Variants in CWF19L1 observed in about 807,000 individuals in gnomAD.
The protein encoded by CWF19L1 is CWF19 like cell cycle control factor 1.
CWF19L1 carries 60 observed loss-of-function variants against 69.7 expected under a neutral mutation model. The ratio of observed to expected loss-of-function variants is 0.86; its 90% CI spans 0.70 to 1.07. The LOEUF (loss-of-function observed/expected upper bound fraction) is 1.07. Among genes scored for constraint, CWF19L1 ranks in the 50% least tolerant of loss-of-function variants. The pLI, the probability that CWF19L1 is intolerant of heterozygous loss-of-function variation, is 0.00. For synonymous variants in CWF19L1, 209 were observed against 222.2 expected (o/e 0.94, Z 0.53); for missense variants, 591 against 638.9 (o/e 0.92, Z 0.81).
At chr10:100,252,790 C>T (rs1301775512) in intron 6 of CWF19L1, among the ~76,000 whole-genome samples, 1 of 150,070 alleles carries the variant, frequency 6.7e-6, no homozygotes, top group Non-Finnish European at 1.5e-5. Flanking sequence ...GAGCCGAGAT[C>T]ATGCCACTGC....
At chr10:100,248,245 T>C in intron 7 of CWF19L1, 8 of 995,072 alleles carry the variant, frequency 8.0e-6, no homozygotes, top group South Asian at 1.3e-5. Context: ...TATGAAAGGG[T>C]CCAGCAGAAG....
In CWF19L1 at chr10:100,267,555, A is replaced by C. The variant is rs1448619868; in HGVS notation, c.23+16T>G. On this transcript the variant is annotated intron_variant, in intron 1 of 13. Coordinates refer to ENST00000354105, the MANE Select transcript of CWF19L1 (RefSeq NM_018294.6). ...AAGAGACACAGGGAGAGAGGCTTCC[A>C]TTCACGGTCACTCACAGGCGCAGCG... The C allele has an allele frequency of 6.2e-7, 1 of 1,614,198 alleles. No homozygotes were observed. The highest frequency in any genetic ancestry group is 1.1e-5 in the South Asian group (1 of 91,086).
At chr10:100,243,519 A>G (rs182848112) in intron 10 of CWF19L1, among the ~76,000 whole-genome samples, 179 bp downstream of exon 10, 138 of 152,366 alleles carry the variant, frequency 9.1e-4, no homozygotes, top group African/African-American at 3.2e-3. Context: ...TCTTACTGCA[A>G]TGATAAAAAT....
At chr10:100,243,902 G>A in intron 9 of CWF19L1, 125 bp from the exon 10 acceptor site, 1 of 736,890 alleles carries the variant, frequency 1.4e-6, no homozygotes, top group Non-Finnish European at 2.4e-6. Context: ...CTGCCACAAT[G>A]GGCTGAGCCT....
intron 7 of CWF19L1, among the ~76,000 whole-genome samples, chr10:100,249,501 A>T (rs1399711306): frequency 6.6e-6 from 1 of 152,168 alleles, no homozygotes; most frequent in Non-Finnish European, 1.5e-5. Flanking sequence ...CTGTTTTCCA[A>T]TACAAAGATA....
chr10:100,260,147 G>T, intron 4 of CWF19L1, 71 bp downstream of exon 4: 1 of 967,046 alleles, frequency 1.0e-6, no homozygotes, highest in Non-Finnish European at 1.6e-6. Context: ...CAGCCTGGGT[G>T]ACAGAGCAAG....
chr10:100,241,466 A>G (rs1846637461), intron 10 of CWF19L1, among the ~76,000 whole-genome samples: 1 of 152,236 alleles, frequency 6.6e-6, no homozygotes, highest in Non-Finnish European at 1.5e-5. Flanking sequence ...TGTTAGGATA[A>G]GTTGAAAGGA....
intron 5 of CWF19L1, chr10:100,253,933 A>T (rs113733535): frequency 6.3e-6 from 1 of 157,942 alleles, no homozygotes; most frequent in Non-Finnish European, 1.4e-5. Context: ...GCTAGAGTAC[A>T]GTGGCACAAT....
intron 9 of CWF19L1, among the ~76,000 whole-genome samples, chr10:100,245,224 T>C (rs1846774660): frequency 1.3e-5 from 2 of 152,142 alleles, no homozygotes; most frequent in South Asian, 2.1e-4. Context: ...GGTTTCACTA[T>C]GTTGGCCAGA....
intron 9 of CWF19L1, among the ~76,000 whole-genome samples, chr10:100,244,985 G>T (rs1355634245): frequency 6.6e-6 from 1 of 151,572 alleles, no homozygotes; most frequent in Admixed American, 6.6e-5. Flanking sequence ...AATTCATAAA[G>T]CTCTAGTTTC....
intron 5 of CWF19L1, among the ~76,000 whole-genome samples, chr10:100,255,932 AAAAAAAC>A (rs143104876): frequency 0.037 from 5,680 of 152,008 alleles, 281 homozygotes; most frequent in East Asian, 0.27. Context: ...TCCATCTCAA[AAAAAAAC>A]AAAAAACAAA....
chr10:100,248,666 G>C, intron 7 of CWF19L1: 1 of 883,860 alleles, frequency 1.1e-6, no homozygotes. Flanking sequence ...TTTGATGCTG[G>C]AGAACTAATC....
intron 12 of CWF19L1, 51 bp from the exon 13 acceptor site, chr10:100,235,815 A>G (rs368198101): frequency 1.6e-6 from 2 of 1,278,234 alleles, no homozygotes; most frequent in Admixed American, 1.8e-5. Flanking sequence ...TTAAAAATCT[A>G]TAATCTGAGT....
chr10:100,240,113 T>C (rs1224867012), intron 10 of CWF19L1, among the ~76,000 whole-genome samples: 1 of 152,204 alleles, frequency 6.6e-6, no homozygotes, highest in African/African-American at 2.4e-5. Context: ...ATCTCCTCTC[T>C]CTTTCAAACT....
intron 4 of CWF19L1, 65 bp from the exon 5 acceptor site, chr10:100,256,541 G>A (rs1346288295): frequency 9.6e-6 from 12 of 1,253,542 alleles, no homozygotes; most frequent in Non-Finnish European, 1.3e-5. Flanking sequence ...ATCAATAGGG[G>A]GATGAATCTC....
chr10:100,237,440 C>T (rs540162271), intron 11 of CWF19L1: 30 of 357,050 alleles, frequency 8.4e-5, no homozygotes, highest in Non-Finnish European at 1.3e-4. Context: ...TCCAGCAAGC[C>T]CCACATCTTC....
intron 1 of CWF19L1, among the ~76,000 whole-genome samples, chr10:100,263,604 G>A (rs1055844143): frequency 6.6e-6 from 1 of 152,140 alleles, no homozygotes; most frequent in African/African-American, 2.4e-5. Flanking sequence ...GTTGTCACAC[G>A]GAATTACCAT....
At chr10:100,250,220 A>T in intron 7 of CWF19L1, 28 bp downstream of exon 7, 1 of 1,420,844 alleles carries the variant, frequency 7.0e-7, no homozygotes, top group Non-Finnish European at 9.9e-7. Flanking sequence ...ATGAATATCA[A>T]CCTTCCACCA....
chr10:100,234,636 C>T (rs1307210630), intron 13 of CWF19L1, among the ~76,000 whole-genome samples: 1 of 152,062 alleles, frequency 6.6e-6, no homozygotes, highest in Non-Finnish European at 1.5e-5. Context: ...TGAATTAGTC[C>T]AAGACAGGTT....
Sources: allele counts gnomAD v4.1 joint callset (sites outside exome capture counted in the v4.1 genomes callset), GRCh38; gene constraint gnomAD v4.1.1; transcripts MANE v1.5; gene names NCBI Gene and HGNC (gene_info 2026-07-23, HGNC 2026-07-21).